The following SACM1L variants were observed in gnomAD, a reference collection of about 807,000 sequenced individuals.
The protein encoded by SACM1L is SAC1 like phosphatidylinositide phosphatase, also known as phosphatidylinositol-3-phosphatase SAC1.
In SACM1L, 32 loss-of-function variants were observed where a neutral mutation model predicts 89.5. That is an observed-to-expected ratio of 0.36 (90% CI 0.27 to 0.48). The LOEUF (loss-of-function observed/expected upper bound fraction) is 0.48. Among genes scored for constraint, SACM1L ranks in the 20% least tolerant of loss-of-function variants. The pLI is 0.99. For missense variants in SACM1L, 543 were observed against 708.5 expected, an observed-to-expected ratio of 0.77 and a Z score of 2.65; for synonymous variants, 213 against 232.8, an observed-to-expected ratio of 0.92 and a Z score of 0.77.
chr3:45,709,677 T>C, intron 5 of SACM1L, 30 bp downstream of exon 5: 1 of 1,579,334 alleles, frequency 6.3e-7, no homozygotes. Flanking sequence ...ATTTTTATTT[T>C]TAGGTTTTTA....
At chr3:45,735,036 G>A (rs1185560272) in intron 13 of SACM1L, 199 bp from the exon 14 acceptor site, 3 of 434,360 alleles carry the variant, frequency 6.9e-6, no homozygotes, top group African/African-American at 4.1e-5. Context: ...TTTTTTGGAT[G>A]GAGGGCTGTC....
At chr3:45,698,877 T>C (rs1045480669) in intron 1 of SACM1L, among the ~76,000 whole-genome samples, 1 of 152,078 alleles carries the variant, frequency 6.6e-6, no homozygotes, top group Non-Finnish European at 1.5e-5. Context: ...AGCAAGCGAT[T>C]CCCCTGTCTC....
intron 11 of SACM1L, among the ~76,000 whole-genome samples, chr3:45,724,453 T>C (rs544556196): frequency 6.6e-6 from 1 of 152,322 alleles, no homozygotes; most frequent in South Asian, 2.1e-4. Context: ...GTATCTTCTT[T>C]GGAGAAATGT....
intron 9 of SACM1L, 102 bp from the exon 10 acceptor site, chr3:45,722,767 T>C: frequency 1.3e-6 from 1 of 764,872 alleles, no homozygotes; most frequent in Non-Finnish European, 2.1e-6. Flanking sequence ...GTATTAGTTT[T>C]TTCCCTTGCA....
chr3:45,689,723 G>A (rs1697922430), intron 1 of SACM1L: 5 of 613,260 alleles, frequency 8.2e-6, no homozygotes, highest in Non-Finnish European at 1.4e-5. Context: ...CGGCCCCAGC[G>A]CCCACGGCTG....
intron 4 of SACM1L, among the ~76,000 whole-genome samples, chr3:45,709,081 C>T (rs1287450736): frequency 6.6e-6 from 1 of 152,104 alleles, no homozygotes; most frequent in Non-Finnish European, 1.5e-5. Flanking sequence ...TTGGGCCCGT[C>T]GTAAATTTAT....
chr3:45,714,923 A>G (rs915287512), intron 7 of SACM1L, among the ~76,000 whole-genome samples: 1 of 152,216 alleles, frequency 6.6e-6, no homozygotes, highest in African/African-American at 2.4e-5. Flanking sequence ...CACATATATG[A>G]AGGTGGTCCT....
chr3:45,733,750 G>A (rs1645529992), intron 13 of SACM1L, among the ~76,000 whole-genome samples: 1 of 152,194 alleles, frequency 6.6e-6, no homozygotes, highest in South Asian at 2.1e-4. Context: ...TGCATTATGT[G>A]TTATCTCATT....
At chr3:45,700,239 G>A (rs59634675) in intron 1 of SACM1L, among the ~76,000 whole-genome samples, 1 of 152,164 alleles carries the variant, frequency 6.6e-6, no homozygotes, top group East Asian at 1.9e-4. Context: ...GTTAAAAATA[G>A]CATTAGTTAT....
At position 45,689,460 on chromosome 3, in the gene SACM1L, T is replaced by A. The variant is rs775098303; in HGVS notation, c.-6T>A. On this transcript the variant is annotated 5_prime_UTR_variant, in exon 1 of 20. Coordinates refer to ENST00000389061, the MANE Select transcript of SACM1L (RefSeq NM_014016.5). ...GGAGAGAGAAGGAAGGAGGTGGTTG[T>A]GCAGGATGGCGACGGCGGCCTACGA... is the stretch of plus-strand genomic sequence containing the variant. The A allele has an allele frequency of 1.3e-6, 2 of 1,571,646 alleles. No individual in the cohort carries two copies. Among genetic ancestry groups the A allele is most frequent in the South Asian group, 2.3e-5 (2 of 85,774 alleles).
chr3:45,707,380 C>T (rs889868886), intron 4 of SACM1L: 5 of 152,330 alleles, frequency 3.3e-5, no homozygotes, highest in African/African-American at 9.7e-5. Flanking sequence ...CCTGTATGCA[C>T]AGATTTCAGT....
At chr3:45,740,199 G>A (rs776651444) in intron 19 of SACM1L, among the ~76,000 whole-genome samples, 6 of 152,174 alleles carry the variant, frequency 3.9e-5, no homozygotes, top group Non-Finnish European at 5.9e-5. Context: ...TTCATCTCCT[G>A]CTCAGTAAAT....
intron 13 of SACM1L, among the ~76,000 whole-genome samples, chr3:45,734,348 G>A (rs1248454621): frequency 1.3e-5 from 2 of 151,610 alleles, no homozygotes; most frequent in Non-Finnish European, 2.9e-5. Context: ...GGGAGGCAGA[G>A]GTTGGAGTGA....
chr3:45,718,493 T>C (rs1698717373), intron 7 of SACM1L, among the ~76,000 whole-genome samples: 1 of 152,122 alleles, frequency 6.6e-6, no homozygotes, highest in Non-Finnish European at 1.5e-5. Context: ...AAAATTATGA[T>C]CAAATATACC....
chr3:45,719,081 C>T (rs2125695307), intron 7 of SACM1L, among the ~76,000 whole-genome samples: 1 of 152,202 alleles, frequency 6.6e-6, no homozygotes, highest in South Asian at 2.1e-4. Context: ...TCATGCATTT[C>T]ATTTTTTTTC....
At chr3:45,700,003 T>C (rs1247186823) in intron 1 of SACM1L, among the ~76,000 whole-genome samples, 1 of 152,206 alleles carries the variant, frequency 6.6e-6, no homozygotes, top group Non-Finnish European at 1.5e-5. Flanking sequence ...GTTCATTGAT[T>C]TTTGTCCAAA....
chr3:45,717,706 TC>T (rs1231757053), intron 7 of SACM1L, among the ~76,000 whole-genome samples: 1 of 152,220 alleles, frequency 6.6e-6, no homozygotes, highest in East Asian at 1.9e-4. Context: ...ATAAAACCTT[TC>T]TGTCATACCC....
At chr3:45,727,181 G>A (rs1245833763) in intron 11 of SACM1L, among the ~76,000 whole-genome samples, 2 of 21,708 alleles carry the variant, frequency 9.2e-5, no homozygotes, top group Admixed American at 3.9e-4. Flanking sequence ...CACCGCGCCC[G>A]GCCGCTTTAT....
At chr3:45,721,658 C>G (rs1204869463) in intron 8 of SACM1L, among the ~76,000 whole-genome samples, 1 of 152,034 alleles carries the variant, frequency 6.6e-6, no homozygotes, top group East Asian at 1.9e-4. Flanking sequence ...GACATTTTCT[C>G]AGGGGTCTTT....
Sources: allele counts gnomAD v4.1 joint callset (sites outside exome capture counted in the v4.1 genomes callset), GRCh38; gene constraint gnomAD v4.1.1; transcripts MANE v1.5; gene names NCBI Gene and HGNC (gene_info 2026-07-23, HGNC 2026-07-21).